Variants in DGKB observed in about 807,000 individuals in gnomAD.
DGKB encodes 90 kDa diacylglycerol kinase.
In DGKB, 67 loss-of-function variants were observed where a neutral mutation model predicts 114.3. The observed-to-expected ratio is 0.59, with a 90% CI of 0.48 to 0.72. The LOEUF is 0.72. Ranked by LOEUF, DGKB falls within the 30% of genes least tolerant of loss-of-function variation. The pLI is 0.00. For synonymous variants in DGKB, 398 were observed against 323.1 expected, an observed-to-expected ratio of 1.23 and a Z score of -2.49; for missense variants, 907 against 975.2, an observed-to-expected ratio of 0.93 and a Z score of 0.93.
At chr7:14,681,172 T>A (rs772613364) in intron 12 of DGKB, among the ~76,000 whole-genome samples, 22 of 151,996 alleles carry the variant, frequency 1.4e-4, no homozygotes, top group Non-Finnish European at 3.2e-4. Flanking sequence ...GTAGTTATGA[T>A]CTTCTTAAAA....
At chr7:14,827,104 G>A (rs1195023897) in intron 2 of DGKB, among the ~76,000 whole-genome samples, 1 of 152,082 alleles carries the variant, frequency 6.6e-6, no homozygotes, top group African/African-American at 2.4e-5. Flanking sequence ...AGAAGGAAGG[G>A]AAACAGAAGA....
chr7:14,757,080 G>T (rs1004245493), intron 3 of DGKB, among the ~76,000 whole-genome samples: 3 of 152,060 alleles, frequency 2.0e-5, no homozygotes, highest in Admixed American at 6.6e-5. Flanking sequence ...AGGTAAAATA[G>T]AAGATTAAAA....
chr7:14,249,323 T>A (rs542551052), intron 23 of DGKB, among the ~76,000 whole-genome samples: 1 of 152,194 alleles, frequency 6.6e-6, no homozygotes, highest in African/African-American at 2.4e-5. Context: ...AGTGTTTTTA[T>A]CTGGCTTTGT....
chr7:14,264,052 A>G, intron 23 of DGKB, among the ~76,000 whole-genome samples: 1 of 152,080 alleles, frequency 6.6e-6, no homozygotes, highest in Non-Finnish European at 1.5e-5. Context: ...TATTTTTGAA[A>G]TGTATCCAGG....
chr7:14,519,911 T>A (rs531231761), intron 20 of DGKB, among the ~76,000 whole-genome samples: 5 of 152,022 alleles, frequency 3.3e-5, no homozygotes, highest in Non-Finnish European at 7.4e-5. Flanking sequence ...TTTCTCATTA[T>A]TATTATTGGA....
At chr7:14,372,649 T>G (rs999540792) in intron 21 of DGKB, among the ~76,000 whole-genome samples, 1 of 152,210 alleles carries the variant, frequency 6.6e-6, no homozygotes, top group Non-Finnish European at 1.5e-5. Context: ...GATGATTTCT[T>G]AAAGTGATTA....
At chr7:14,623,478 G>C (rs1440753707) in intron 14 of DGKB, among the ~76,000 whole-genome samples, 3 of 152,090 alleles carry the variant, frequency 2.0e-5, no homozygotes, top group Non-Finnish European at 4.4e-5. Flanking sequence ...CTGCTATCAA[G>C]CATTGAATTT....
intron 21 of DGKB, among the ~76,000 whole-genome samples, chr7:14,441,451 GTGTT>G (rs1830079868): frequency 6.6e-6 from 1 of 151,840 alleles, no homozygotes; most frequent in Non-Finnish European, 1.5e-5. Context: ...CTTTCATTTT[GTGTT>G]TGTTTGATGC....
At chr7:14,873,700 A>C (rs1174288505) in intron 1 of DGKB, among the ~76,000 whole-genome samples, 1 of 151,970 alleles carries the variant, frequency 6.6e-6, no homozygotes, top group African/African-American at 2.4e-5. Flanking sequence ...ATGTACATAC[A>C]CAACAATTTA....
At chr7:14,938,800 C>CA (rs1358612042) in intron 1 of DGKB, among the ~76,000 whole-genome samples, 1 of 152,066 alleles carries the variant, frequency 6.6e-6, no homozygotes, top group Non-Finnish European at 1.5e-5. Context: ...TTCTTCCTTT[C>CA]AAAAAATTAT....
chr7:14,411,647 AGGT>A lies in DGKB; in HGVS notation c.1836-66259_1836-66257del, dbSNP rs1439534370. Among the ~76,000 whole-genome samples, 7 of 63,386 alleles carry A rather than the reference AGGT, an allele frequency of 1.1e-4. 2 individuals carry two copies. Among genetic ancestry groups the A allele is most frequent in the East Asian group, 7.3e-4 (2 of 2,740 alleles). The allele number at this position is 63,386 out of a possible 152,430, so 41.6% of individuals were successfully genotyped here. On this transcript the variant is annotated intron_variant, in intron 21 of 25. Coordinates refer to ENST00000402815, the MANE Select transcript of DGKB (RefSeq NM_001350709.2). ...ATAGGATCATAACAACCATCTTTCA[AGGT>A]GGCTGTAAGATAAACAGTATAATAC...
intron 2 of DGKB, among the ~76,000 whole-genome samples, chr7:14,770,089 C>A (rs193299372): frequency 5.3e-5 from 8 of 152,012 alleles, no homozygotes; most frequent in African/African-American, 9.7e-5. Context: ...TTCAAACAAA[C>A]CTTCTCTGAT....
intron 23 of DGKB, among the ~76,000 whole-genome samples, chr7:14,192,907 T>G (rs1020347674): frequency 2.0e-5 from 3 of 151,978 alleles, no homozygotes; most frequent in Admixed American, 1.3e-4. Context: ...AGGTGTTAGA[T>G]TCACATACAG....
At chr7:14,178,593 G>T (rs116534530) in intron 23 of DGKB, among the ~76,000 whole-genome samples, 1 of 152,234 alleles carries the variant, frequency 6.6e-6, no homozygotes, top group African/African-American at 2.4e-5. Flanking sequence ...ACTTGAACAA[G>T]AGACCTTGGA....
rs10252931 is a variant in DGKB at position 14,416,932 on chromosome 7, T to A, written c.1835+61229A>T. ...CCATTGCCTTCAATGAACAAGATTG[T>A]CGTCTGCTCCCCAGGCATCACTGAC... On this transcript the variant is annotated intron_variant, in intron 21 of 25. Coordinates refer to ENST00000402815, the MANE Select transcript of DGKB (RefSeq NM_001350709.2). Among the ~76,000 whole-genome samples the A allele has an allele frequency of 5.5e-3, 830 of 152,184 alleles. 6 individuals are homozygous for A. Among genetic ancestry groups the A allele is most frequent in the African/African-American group, 0.019 (787 of 41,528 alleles).
chr7:14,689,204 T>TTTTATTTTTA lies in DGKB; in HGVS notation c.712-3843_712-3842insTAAAAATAAA, dbSNP rs1272674271. On this transcript the variant is annotated intron_variant, in intron 9 of 25. Transcript: ENST00000402815. ...ATGTGACAGAAACTCCTCTTATTTTTTTTTTTTTTTTTTTTTTTTTGAGAG... is the reference window on the plus strand; with the variant it reads ...ATGTGACAGAAACTCCTCTTATTTTTTTTATTTTTATTTTTTTTTTTTTTTTTTTTGAGAG... Among the ~76,000 whole-genome samples, 209 of 107,520 alleles carry TTTTATTTTTA rather than the reference T, an allele frequency of 1.9e-3. 3 individuals are homozygous for TTTTATTTTTA. The highest frequency in any genetic ancestry group is 0.015 in the East Asian group (58 of 3,800). The allele number at this position is 107,520 out of a possible 152,430, so 70.5% of individuals were successfully genotyped here.
At chr7:14,185,028 A>G (rs1024296912) in intron 23 of DGKB, among the ~76,000 whole-genome samples, 2 of 152,184 alleles carry the variant, frequency 1.3e-5, no homozygotes, top group Non-Finnish European at 2.9e-5. Flanking sequence ...TAGTTAGAAC[A>G]ATCAGACTAG....
At chr7:14,471,034 T>C (rs1371338369) in intron 21 of DGKB, among the ~76,000 whole-genome samples, 2 of 151,150 alleles carry the variant, frequency 1.3e-5, no homozygotes, top group African/African-American at 2.4e-5. Flanking sequence ...GGAATTTTTA[T>C]CTCTAGATAA....
intron 13 of DGKB, among the ~76,000 whole-genome samples, chr7:14,666,116 G>A (rs1817974375): frequency 6.6e-6 from 1 of 151,922 alleles, no homozygotes; most frequent in Non-Finnish European, 1.5e-5. Context: ...AGCTTCTTAA[G>A]TACCAAAAAT....
Sources: allele counts gnomAD v4.1 joint callset (sites outside exome capture counted in the v4.1 genomes callset), GRCh38; gene constraint gnomAD v4.1.1; transcripts MANE v1.5; gene names NCBI Gene and HGNC (gene_info 2026-07-23, HGNC 2026-07-21).